The following SLC9C2 variants were observed in gnomAD, a reference collection of about 807,000 sequenced individuals.
SLC9C2 encodes solute carrier family 9 member C2 (putative), also known as sodium/hydrogen exchanger 11.
In SLC9C2, 75 loss-of-function variants were observed where a neutral mutation model predicts 140.2. That is an observed-to-expected ratio of 0.53 (90% CI 0.44 to 0.65). The LOEUF (loss-of-function observed/expected upper bound fraction) is 0.65, where lower values mean the gene tolerates loss of function less well. Among genes scored for constraint, SLC9C2 ranks in the 30% least tolerant of loss-of-function variants. SLC9C2 has a pLI of 0.00. For missense variants in SLC9C2, 1,074 were observed against 1,331.8 expected (o/e 0.81, Z 3.01); for synonymous variants, 375 against 420.9 (o/e 0.89, Z 1.34).
intron 4 of SLC9C2, among the ~76,000 whole-genome samples, chr1:173,594,800 G>T (rs1307936722): frequency 2.0e-5 from 3 of 152,174 alleles, no homozygotes; most frequent in Non-Finnish European, 4.4e-5. Context: ...TAAAACGTAT[G>T]AAACCAGTAA....
At chr1:173,516,347 T>G (rs1660417796) in intron 23 of SLC9C2, among the ~76,000 whole-genome samples, 1 of 152,250 alleles carries the variant, frequency 6.6e-6, no homozygotes, top group South Asian at 2.1e-4. Flanking sequence ...GTGGTACATA[T>G]GCAGGTTTGT....
intron 4 of SLC9C2, 146 bp downstream of exon 4, chr1:173,597,758 T>G (rs945265868): frequency 4.0e-6 from 3 of 743,046 alleles, no homozygotes; most frequent in Non-Finnish European, 6.0e-6. Context: ...CAATTCTTTT[T>G]AGTTAGTAGT....
At chr1:173,540,299 C>T (rs889023986) in intron 13 of SLC9C2, among the ~76,000 whole-genome samples, 6 of 152,130 alleles carry the variant, frequency 3.9e-5, no homozygotes, top group African/African-American at 1.2e-4. Context: ...TGATCCAAAG[C>T]GAGACCAACA....
At chr1:173,565,952 T>G (rs1375845340) in intron 9 of SLC9C2, among the ~76,000 whole-genome samples, 1 of 151,896 alleles carries the variant, frequency 6.6e-6, no homozygotes, top group Non-Finnish European at 1.5e-5. Flanking sequence ...TTTTTGTCCT[T>G]CATTCTGTTG....
intron 13 of SLC9C2, among the ~76,000 whole-genome samples, chr1:173,547,269 A>T (rs1490790207): frequency 6.6e-6 from 1 of 151,972 alleles, no homozygotes; most frequent in Non-Finnish European, 1.5e-5. Context: ...TTTCAAGAGA[A>T]TTTTTGATTC....
intron 24 of SLC9C2, 73 bp from the exon 25 acceptor site, chr1:173,507,114 C>T: frequency 8.6e-7 from 1 of 1,163,186 alleles, no homozygotes; most frequent in East Asian, 2.4e-5. Context: ...AACAGATTTA[C>T]TGATCTATCT....
At chr1:173,542,550 C>A (rs958045645) in intron 13 of SLC9C2, among the ~76,000 whole-genome samples, 4 of 151,884 alleles carry the variant, frequency 2.6e-5, no homozygotes, top group Non-Finnish European at 4.4e-5. Flanking sequence ...GGCAGAGACA[C>A]AACAAAAAAA....
intron 13 of SLC9C2, among the ~76,000 whole-genome samples, chr1:173,545,372 C>T (rs1351180463): frequency 6.6e-6 from 1 of 152,172 alleles, no homozygotes; most frequent in East Asian, 1.9e-4. Context: ...AGCCACTTGG[C>T]TACAAGCATG....
chr1:173,529,806 A>C, intron 18 of SLC9C2, 99 bp downstream of exon 18: 1 of 1,338,930 alleles, frequency 7.5e-7, no homozygotes, highest in Non-Finnish European at 1.0e-6. Flanking sequence ...CAACTGTTGG[A>C]ATTTGTCTGT....
At chr1:173,543,615 C>T (rs1050701918) in intron 13 of SLC9C2, among the ~76,000 whole-genome samples, 1 of 152,152 alleles carries the variant, frequency 6.6e-6, no homozygotes, top group Admixed American at 6.5e-5. Flanking sequence ...TACTACAAGG[C>T]TACAGTAACA....
chr1:173,574,289 A>G (rs934772450), intron 8 of SLC9C2, among the ~76,000 whole-genome samples: 4 of 152,168 alleles, frequency 2.6e-5, no homozygotes, highest in African/African-American at 9.7e-5. Flanking sequence ...AAGCATAAGG[A>G]AGCCTCGTTT....
At chr1:173,523,695 G>A (rs556840266) in intron 21 of SLC9C2, among the ~76,000 whole-genome samples, 1 of 152,290 alleles carries the variant, frequency 6.6e-6, no homozygotes, top group Admixed American at 6.5e-5. Flanking sequence ...ACATCAAGAA[G>A]TCCAGAACTC....
intron 15 of SLC9C2, 150 bp from the exon 16 acceptor site, chr1:173,534,832 A>G: frequency 1.6e-6 from 1 of 631,622 alleles, no homozygotes; most frequent in African/African-American, 1.9e-5. Context: ...CATATTTTCT[A>G]TACATAAAAA....
At chr1:173,538,545 C>T (rs1258260176) in intron 13 of SLC9C2, among the ~76,000 whole-genome samples, 28 of 151,738 alleles carry the variant, frequency 1.8e-4, no homozygotes, top group Admixed American at 1.8e-3. Context: ...AAGTTAGATG[C>T]TTATATGATA....
At chr1:173,515,492 G>A (rs1487392495) in intron 23 of SLC9C2, among the ~76,000 whole-genome samples, 1 of 152,174 alleles carries the variant, frequency 6.6e-6, no homozygotes, top group Admixed American at 6.5e-5. Flanking sequence ...CGTTCATGCT[G>A]TGTTTTTCAG....
intron 13 of SLC9C2, among the ~76,000 whole-genome samples, chr1:173,541,696 T>A (rs901948293): frequency 1.3e-5 from 2 of 152,128 alleles, no homozygotes; most frequent in Non-Finnish European, 2.9e-5. Flanking sequence ...GAACTCAGGA[T>A]TAAGAAAGTC....
chr1:173,527,500 C>T (rs1661290620), intron 18 of SLC9C2, among the ~76,000 whole-genome samples: 2 of 152,204 alleles, frequency 1.3e-5, no homozygotes, highest in Admixed American at 1.3e-4. Flanking sequence ...TAACAAATAA[C>T]TCCTTAGATA....
In SLC9C2 at chr1:173,534,557, C is replaced by A; in HGVS notation, c.1901G>T (p.Gly634Val). The change falls in exon 16 of 28, where the codon GGT (glycine) becomes GTT (valine). Residue 634 changes from glycine (G) to valine (V), a missense_variant. Physicochemically the swap from Gly to Val is moderately radical, Grantham distance 109. Transcript: ENST00000367714. ...MIIHLWPMAR[G>V]LNVSALISIN... Reference sequence around the variant, plus strand: ...TGATATCAGTGCTGATACATTTAAACCTCTTGCCATTGGCCACAGATGTAT... The same window carrying A: ...TGATATCAGTGCTGATACATTTAAAACTCTTGCCATTGGCCACAGATGTAT... The A allele has an allele frequency of 6.3e-7, 1 of 1,598,838 alleles. No homozygotes were observed. The highest frequency in any genetic ancestry group is 1.3e-5 in the African/African-American group (1 of 74,230).
chr1:173,601,884 C>T (rs1666806799), intron 1 of SLC9C2, 29 bp from the exon 2 acceptor site: 1 of 1,357,612 alleles, frequency 7.4e-7, no homozygotes, highest in South Asian at 1.4e-5. Context: ...GAACATGAGA[C>T]CTACCAAGAT....
Sources: allele counts gnomAD v4.1 joint callset (sites outside exome capture counted in the v4.1 genomes callset), GRCh38; gene constraint gnomAD v4.1.1; transcripts MANE v1.5; gene names NCBI Gene and HGNC (gene_info 2026-07-23, HGNC 2026-07-21).